MLLT6: variants seen among roughly 807,000 people sequenced by gnomAD.
MLLT6 encodes protein AF-17.
Under a neutral mutation model 103.0 loss-of-function variants are expected in MLLT6, and 22 were observed. The ratio of observed to expected loss-of-function variants is 0.21; its 90% CI spans 0.15 to 0.31. The LOEUF (loss-of-function observed/expected upper bound fraction) is 0.31, where lower values mean the gene tolerates loss of function less well. Ranked by LOEUF, MLLT6 falls within the 10% of genes least tolerant of loss-of-function variation. MLLT6 has a pLI of 1.00. For synonymous variants in MLLT6, 606 were observed against 623.5 expected (o/e 0.97, Z 0.42); for missense variants, 1,199 against 1,441.7 (o/e 0.83, Z 2.73).
chr17:38,726,314 G>A lies in MLLT6; in HGVS notation c.*716G>A. ...TGTTTGCACTATTGGACTTAGGAGTGCCGAGGGTGGGGAGATGGAGCTGCC... is the reference window on the plus strand; with the variant it reads ...TGTTTGCACTATTGGACTTAGGAGTACCGAGGGTGGGGAGATGGAGCTGCC... On this transcript the variant is annotated 3_prime_UTR_variant, in exon 20 of 20. Transcript: ENST00000621332. The A allele has an allele frequency of 4.3e-6, 1 of 234,440 alleles. No homozygotes were observed. Among genetic ancestry groups the A allele is most frequent in the Non-Finnish European group, 8.4e-6 (1 of 118,670 alleles). 14.5% of individuals were successfully genotyped at this position (234,440 alleles called of 1,614,324 possible).
chr17:38,719,655 C>T (rs768688692), intron 13 of MLLT6, 72 bp downstream of exon 13: 2 of 1,565,210 alleles, frequency 1.3e-6, no homozygotes, highest in Non-Finnish European at 1.7e-6. Context: ...GACGGAGAGA[C>T]CGGCGTGGGC....
In MLLT6 at chr17:38,709,910, C is replaced by T. The variant is rs113053134; in HGVS notation, c.552+335C>T. On this transcript the variant is annotated intron_variant, in intron 6 of 19. Transcript: ENST00000621332. The surrounding 1 kb of genome is among the most constrained non-coding windows in gnomAD (Gnocchi z 4.3). ...TTTGTGTGGGAGGCAGCATTTACTACGCCTCCGCCTTAGGACAAAGTTCCT... is the reference window on the plus strand; with the variant it reads ...TTTGTGTGGGAGGCAGCATTTACTATGCCTCCGCCTTAGGACAAAGTTCCT... 1.4e-4 allele frequency among the ~76,000 whole-genome samples: 22 copies of T among 152,318 alleles called. No homozygotes were observed. The highest frequency in any genetic ancestry group is 4.8e-4 in the African/African-American group (20 of 41,580).
chr17:38,725,682 G>A lies in MLLT6; in HGVS notation c.*84G>A, dbSNP rs535031907. On this transcript the variant is annotated 3_prime_UTR_variant, in exon 20 of 20. Coordinates refer to ENST00000621332, the MANE Select transcript of MLLT6 (RefSeq NM_005937.4). ...GTCCTAGCCTGGAGCAGGCGCCTGC[G>A]CCCAGACCCTGGAGAGCCTTGACCC... The A allele has an allele frequency of 4.9e-5, 59 of 1,210,796 alleles. No individual in the cohort carries two copies. In the East Asian group the frequency reaches 1.2e-3, roughly 25 times the overall value. 75.0% of individuals were successfully genotyped at this position (1,210,796 alleles called of 1,614,324 possible).
chr17:38,709,627 G>T lies in MLLT6; in HGVS notation c.552+52G>T. 1 of 1,446,626 alleles carries T rather than the reference G, an allele frequency of 6.9e-7. No individual in the cohort carries two copies. 89.6% of individuals were successfully genotyped at this position (1,446,626 alleles called of 1,614,324 possible). A position where few individuals can be genotyped will look rare whatever the true frequency, so the allele number is the denominator to read the frequency against. On this transcript the variant is annotated intron_variant, in intron 6 of 19. Transcript: ENST00000621332. This position sits in a 1 kb window ranked among gnomAD's most constrained non-coding sequence, Gnocchi z 4.3. ...CGGGTCAGTCAGCTGTGGTAAGATG[G>T]TTAGAGGGCATGGGCTCTGGGCCAG...
At position 38,709,456 on chromosome 17, in the gene MLLT6, C is replaced by A; in HGVS notation, c.459-26C>A. On this transcript the variant is annotated intron_variant, in intron 5 of 19. Transcript: ENST00000621332. The surrounding 1 kb of genome is among the most constrained non-coding windows in gnomAD (Gnocchi z 4.3). ...GGCTCATGTGATCTGTGGCCTCAGCCGTCTCAGGCTGCCTTCTCTGGTTAG... is the reference window on the plus strand; with the variant it reads ...GGCTCATGTGATCTGTGGCCTCAGCAGTCTCAGGCTGCCTTCTCTGGTTAG... The A allele has an allele frequency of 6.3e-7, 1 of 1,596,316 alleles. No individual in the cohort carries two copies. Among genetic ancestry groups the A allele is most frequent in the Non-Finnish European group, 8.6e-7 (1 of 1,163,674 alleles).
chr17:38,721,771 G>A, intron 16 of MLLT6, 107 bp from the exon 17 acceptor site: 1 of 693,424 alleles, frequency 1.4e-6, no homozygotes, highest in Non-Finnish European at 2.2e-6. Context: ...GTGCCTGGGG[G>A]TGAAGTGGGG....
At position 38,715,471 on chromosome 17, in the gene MLLT6, C is replaced by T. The variant is rs924484435; in HGVS notation, c.820-141C>T. 2.4e-5 allele frequency: 33 copies of T among 1,396,952 alleles called. No homozygotes were observed. In the African/African-American group the frequency reaches 4.2e-4, roughly 18 times the overall value. The allele number at this position is 1,396,952 out of a possible 1,614,324, so 86.5% of individuals were successfully genotyped here. On this transcript the variant is annotated intron_variant, in intron 8 of 19. Transcript: ENST00000621332. ...CTGGTCTAGGAGCTCCTGGCCACTC[C>T]CTGCCCGGAAGTCCTTCATGAAACT...
intron 2 of MLLT6, 43 bp downstream of exon 2, chr17:38,707,072 C>T: frequency 6.5e-7 from 1 of 1,538,334 alleles, no homozygotes; most frequent in Non-Finnish European, 8.9e-7. Context: ...GCCCCTCCCA[C>T]ACACCTGAGC....
chr17:38,722,136 G>T lies in MLLT6; in HGVS notation c.2701G>T (p.Gly901Trp). Residue 901 changes from glycine (G) to tryptophan (W), a missense_variant, in exon 17 of 20, where the codon GGG (glycine) becomes TGG (tryptophan). This residue lies in a region of MLLT6 where 1,034 missense variants were observed against 1,091.5 expected (regional missense o/e 0.95). Coordinates refer to ENST00000621332, the MANE Select transcript of MLLT6 (RefSeq NM_005937.4). Reference protein sequence around the residue: ...SGGLPLNGLLGGLNGAAAPNP... With the variant: ...SGGLPLNGLLWGLNGAAAPNP... Reference sequence around the variant, plus strand: ...GGGCCTGCCCCTCAATGGGCTCCTTGGGGGGTTGAATGGGGCCGCTGCCCC... The same window carrying T: ...GGGCCTGCCCCTCAATGGGCTCCTTTGGGGGTTGAATGGGGCCGCTGCCCC... 5 of 1,376,748 alleles carry T rather than the reference G, an allele frequency of 3.6e-6. No homozygotes were observed. The highest frequency in any genetic ancestry group is 4.7e-6 in the Non-Finnish European group (5 of 1,070,864). 85.3% of individuals were successfully genotyped at this position (1,376,748 alleles called of 1,614,324 possible). A position where few individuals can be genotyped will look rare whatever the true frequency, so the allele number is the denominator to read the frequency against.
chr17:38,714,215 C>T (rs762326459), intron 8 of MLLT6: 1 of 152,236 alleles, frequency 6.6e-6, no homozygotes, highest in Non-Finnish European at 1.5e-5. Flanking sequence ...CCTAAAAGCA[C>T]ACAGCTAGTA....
chr17:38,718,139 C>T lies in MLLT6; in HGVS notation c.1942+186C>T, dbSNP rs556145170. On this transcript the variant is annotated intron_variant, in intron 12 of 19. Transcript: ENST00000621332. ...CCTGTAATCCCAGCACTTTGGGAGG[C>T]CGAGGCGGGTGGATCACCTGAGATC... is the stretch of plus-strand genomic sequence containing the variant. 1.6e-5 allele frequency: 8 copies of T among 509,518 alleles called. No homozygotes were observed. In the South Asian group the frequency reaches 1.9e-4, roughly 12 times the overall value. 31.6% of individuals were successfully genotyped at this position (509,518 alleles called of 1,614,324 possible).
At chr17:38,717,108 A>G in intron 10 of MLLT6, 127 bp downstream of exon 10, 2 of 1,366,808 alleles carry the variant, frequency 1.5e-6, no homozygotes, top group Non-Finnish European at 2.0e-6. Context: ...CGGAGGAGAC[A>G]GTCACCTTCA....
intron 3 of MLLT6, 44 bp downstream of exon 3, chr17:38,707,584 A>G (rs1457267814): frequency 1.3e-6 from 2 of 1,595,600 alleles, no homozygotes; most frequent in Admixed American, 1.7e-5. Flanking sequence ...CCCCCTGAGC[A>G]GGGTCTGGGA....
chr17:38,720,535 C>T lies in MLLT6; in HGVS notation c.2319C>T (p.Gly773=). The change falls in exon 15 of 20, where the codon GGC becomes GGT. Residue 773 remains glycine (G), a synonymous_variant. Coordinates refer to ENST00000621332, the MANE Select transcript of MLLT6 (RefSeq NM_005937.4). ...ALPAALPAAN[G]PVPGPYGLPP... ...CTGCTGCCCTGCCTGCCGCCAACGG[C>T]CCTGTCCCTGGGCCCTATGGCCTGC... The T allele has an allele frequency of 6.2e-7, 1 of 1,612,262 alleles. No homozygotes were observed. The highest frequency in any genetic ancestry group is 8.5e-7 in the Non-Finnish European group (1 of 1,179,600).
In MLLT6 at chr17:38,720,108, G is replaced by GC. The variant is rs1475911051; in HGVS notation, c.2155+217dup. On this transcript the variant is annotated intron_variant, in intron 14 of 19. Coordinates refer to ENST00000621332, the MANE Select transcript of MLLT6 (RefSeq NM_005937.4). ...CACCTTTGGCCTTCGTGGCCTCCGG[G>GC]CCCCGACCTTACCAAACCGCAACTT... The GC allele has an allele frequency of 7.8e-6, 6 of 764,424 alleles. No individual in the cohort carries two copies. In the Admixed American group the frequency reaches 8.8e-5, roughly 11 times the overall value. 47.4% of individuals were successfully genotyped at this position (764,424 alleles called of 1,614,324 possible).
At chr17:38,706,685 A>C (rs550438245) in intron 1 of MLLT6, 2 of 358,376 alleles carry the variant, frequency 5.6e-6, no homozygotes, top group East Asian at 8.4e-5. Flanking sequence ...CAAGTCCAGA[A>C]AGGGCGTGGG....
At chr17:38,712,108 T>A in intron 7 of MLLT6, 94 bp downstream of exon 7, 1 of 1,399,790 alleles carries the variant, frequency 7.1e-7, no homozygotes, top group Non-Finnish European at 9.3e-7. Flanking sequence ...GCCCTTAAGG[T>A]CTTGGCCCTG....
chr17:38,720,328 T>A, intron 14 of MLLT6, 44 bp from the exon 15 acceptor site: 42 of 89,320 alleles, frequency 4.7e-4, no homozygotes, highest in Non-Finnish European at 7.2e-4. Flanking sequence ...TGGCCCCGCC[T>A]CCGCCCCCTC....
In MLLT6 at chr17:38,707,892, GT is replaced by G; in HGVS notation, c.354+21del. ...AACAAGGTCAGCGGCCCCCCGCCGT[GT>G]CCCCTACCAGTTCCCTCCCATCTAT... On this transcript the variant is annotated intron_variant, in intron 4 of 19. Transcript: ENST00000621332. 3 of 1,477,248 alleles carry G rather than the reference GT, an allele frequency of 2.0e-6. No individual in the cohort carries two copies. Among genetic ancestry groups the G allele is most frequent in the Non-Finnish European group, 1.9e-6 (2 of 1,061,100 alleles). The allele number at this position is 1,477,248 out of a possible 1,614,324, so 91.5% of individuals were successfully genotyped here.
Sources: gnomAD v4.1 joint callset for allele counts (sites outside exome capture counted in the v4.1 genomes callset) on GRCh38, gnomAD v4.1.1 for gene constraint, gnomAD v4.1.1 regional missense constraint, Gnocchi (gnomAD v3.1) non-coding constraint, MANE v1.5 for transcripts, NCBI Gene and HGNC (gene_info 2026-07-23, HGNC 2026-07-21) for gene names.